TLN2: variants seen among roughly 807,000 people sequenced by gnomAD.
TLN2 encodes the protein talin-2.
Under a neutral mutation model 294.7 loss-of-function variants are expected in TLN2, and 118 were observed. The observed-to-expected ratio is 0.40, with a 90% CI of 0.34 to 0.47. TLN2 has a LOEUF of 0.47. Ranked by LOEUF, TLN2 falls within the 20% of genes least tolerant of loss-of-function variation. TLN2 has a pLI of 0.84. For synonymous variants in TLN2, 1,431 were observed against 1,304.5 expected (o/e 1.10, Z -2.09); for missense variants, 3,083 against 3,282.2 (o/e 0.94, Z 1.48).
intron 28 of TLN2, chr15:62,734,017 TG>T (rs1354863864): frequency 6.6e-6 from 1 of 152,202 alleles, no homozygotes; most frequent in Non-Finnish European, 1.5e-5. Flanking sequence ...TTCGTCCTTT[TG>T]ATGGTATGGG....
chr15:62,504,653 T>C (rs1056395107), intron 1 of TLN2, among the ~76,000 whole-genome samples: 2 of 152,218 alleles, frequency 1.3e-5, no homozygotes, highest in African/African-American at 4.8e-5. Context: ...ATCCTTAGGT[T>C]ACACCACATA....
At chr15:62,565,115 A>G (rs1482490177) in intron 1 of TLN2, among the ~76,000 whole-genome samples, 1 of 151,972 alleles carries the variant, frequency 6.6e-6, no homozygotes. Flanking sequence ...AATAAGTGTT[A>G]AACACCCCAG....
chr15:62,777,124 TG>T (rs1567583594), intron 43 of TLN2, among the ~76,000 whole-genome samples: 1 of 152,180 alleles, frequency 6.6e-6, no homozygotes, highest in African/African-American at 2.4e-5. Flanking sequence ...TAATTTTACA[TG>T]AAAGAAAAAG....
In TLN2 at chr15:62,428,915, C is replaced by T. The variant is rs550785758; in HGVS notation, c.-238+38230C>T. Reference sequence around the variant, plus strand: ...ACTGATCTTCAAGAATCACCTGGGACGGCTTTGAATATCCAGATTTCAGAA... The same window carrying T: ...ACTGATCTTCAAGAATCACCTGGGATGGCTTTGAATATCCAGATTTCAGAA... On this transcript the variant is annotated intron_variant, in intron 1 of 58. Transcript: ENST00000636159. Among the ~76,000 whole-genome samples the T allele has an allele frequency of 9.9e-5, 15 of 152,228 alleles. No individual in the cohort carries two copies. The South Asian group carries it at 1.5e-3, about 15-fold the overall frequency.
Position 62,763,589 on chromosome 15 carries a change from G to A in TLN2, c.4988G>A (p.Cys1663Tyr). Residue 1663 changes from cysteine (C) to tyrosine (Y), a missense_variant, in exon 40 of 59, where the codon TGT becomes TAT. Coordinates refer to ENST00000636159, the MANE Select transcript of TLN2 (RefSeq NM_015059.3). ...GACAAGGCCCCTGGACAGAGGGAGTGTGATTACTCCATCGATGGCATCAAC... is the reference window on the plus strand; with the variant it reads ...GACAAGGCCCCTGGACAGAGGGAGTATGATTACTCCATCGATGGCATCAAC... ...IRDKAPGQRE[C>Y]DYSIDGINRC... 1.9e-6 allele frequency: 3 copies of A among 1,613,536 alleles called. No individual in the cohort carries two copies. The highest frequency in any genetic ancestry group is 2.5e-6 in the Non-Finnish European group (3 of 1,179,706).
intron 51 of TLN2, among the ~76,000 whole-genome samples, chr15:62,809,053 A>G (rs1160926864): frequency 2.0e-5 from 3 of 152,122 alleles, no homozygotes; most frequent in African/African-American, 7.2e-5. Context: ...TTGTAGTTTT[A>G]TGTATTTCTG....
intron 33 of TLN2, 85 bp downstream of exon 33, chr15:62,748,529 G>T: frequency 8.8e-7 from 1 of 1,141,542 alleles, no homozygotes. Context: ...CTATGTCTGT[G>T]TCTGTTCTTT....
intron 46 of TLN2, among the ~76,000 whole-genome samples, chr15:62,794,452 G>T (rs1441410666): frequency 6.6e-6 from 1 of 152,128 alleles, no homozygotes; most frequent in Non-Finnish European, 1.5e-5. Context: ...CTTCACAGAG[G>T]GTGGGATGCT....
intron 1 of TLN2, among the ~76,000 whole-genome samples, chr15:62,431,275 T>C (rs1462589452): frequency 2.6e-5 from 4 of 152,144 alleles, no homozygotes; most frequent in African/African-American, 4.8e-5. Flanking sequence ...CATATGTGCA[T>C]ATACATTAAA....
intron 39 of TLN2, chr15:62,763,315 C>A (rs748940209): frequency 7.9e-5 from 24 of 302,584 alleles, no homozygotes; most frequent in Non-Finnish European, 1.3e-4. Flanking sequence ...TGCCTGGTAT[C>A]AGCCTAAGGT....
At chr15:62,758,581 G>A (rs1044618981) in intron 37 of TLN2, 2 of 152,190 alleles carry the variant, frequency 1.3e-5, no homozygotes, top group South Asian at 2.1e-4. Context: ...GTTAAAGCTC[G>A]GGGTTTTTGC....
At position 62,471,357 on chromosome 15, in the gene TLN2, A is replaced by C. The variant is rs559913435; in HGVS notation, c.-238+80672A>C. Among the ~76,000 whole-genome samples the C allele has an allele frequency of 1.0e-3, 159 of 152,338 alleles. 1 individual carries two copies. Among genetic ancestry groups the C allele is most frequent in the Non-Finnish European group, 1.9e-3 (132 of 68,034 alleles). On this transcript the variant is annotated intron_variant, in intron 1 of 58. Coordinates refer to ENST00000636159, the MANE Select transcript of TLN2 (RefSeq NM_015059.3). Reference sequence around the variant, plus strand: ...GTGATCCTTCCTCAAAACAAAACACAAAATTGTTGCCATACTTAGGGGCAG... The same window carrying C: ...GTGATCCTTCCTCAAAACAAAACACCAAATTGTTGCCATACTTAGGGGCAG...
chr15:62,738,656 G>A (rs118018430), intron 30 of TLN2, among the ~76,000 whole-genome samples: 1,817 of 152,264 alleles, frequency 0.012, 27 homozygotes, highest in Admixed American at 0.017. Context: ...GGAAGGGTAC[G>A]TGTGTCCAAG....
chr15:62,700,715 C>G (rs2141095676), intron 16 of TLN2, among the ~76,000 whole-genome samples: 1 of 152,302 alleles, frequency 6.6e-6, no homozygotes, highest in East Asian at 1.9e-4. Context: ...TCACCCTGCA[C>G]CCTGCAAAGC....
At chr15:62,676,161 C>A (rs1273146256) in intron 11 of TLN2, among the ~76,000 whole-genome samples, 2 of 152,214 alleles carry the variant, frequency 1.3e-5, no homozygotes. Flanking sequence ...TCTTTCCCCA[C>A]AGCCAAAGAG....
chr15:62,580,968 C>G (rs1019052846), intron 1 of TLN2, among the ~76,000 whole-genome samples: 2 of 151,252 alleles, frequency 1.3e-5, no homozygotes, highest in African/African-American at 4.9e-5. Context: ...TCAGCAACTT[C>G]CGCCTCCCAG....
At chr15:62,745,788 A>T (rs531291335) in intron 32 of TLN2, among the ~76,000 whole-genome samples, 1 of 152,258 alleles carries the variant, frequency 6.6e-6, no homozygotes, top group South Asian at 2.1e-4. Flanking sequence ...ATTGTTTTTC[A>T]TTGTCAAATT....
chr15:62,448,297 C>T (rs750178058), intron 1 of TLN2, among the ~76,000 whole-genome samples: 16 of 152,308 alleles, frequency 1.1e-4, no homozygotes, highest in Middle Eastern at 3.4e-3. Flanking sequence ...TGCTCTTGAA[C>T]AAGTACATCC....
intron 1 of TLN2, among the ~76,000 whole-genome samples, chr15:62,491,345 TATATATACACACAC>T (rs1481600760): frequency 0.019 from 2,181 of 115,096 alleles, 65 homozygotes; most frequent in African/African-American, 0.066. Flanking sequence ...AAAATATATA[TATATATACACACAC>T]ACACACACAC....
Sources: allele counts gnomAD v4.1 joint callset (sites outside exome capture counted in the v4.1 genomes callset), GRCh38; gene constraint gnomAD v4.1.1; transcripts MANE v1.5; gene names NCBI Gene and HGNC (gene_info 2026-07-23, HGNC 2026-07-21).